ADARB2: variants seen among roughly 807,000 people sequenced by gnomAD.
ADARB2 encodes the protein inactive double-stranded RNA-specific editase B2.
A neutral mutation model predicts 62.2 loss-of-function variants in ADARB2; 25 were observed. The observed-to-expected ratio is 0.40, with a 90% CI of 0.29 to 0.56. ADARB2 has a LOEUF of 0.56. Ranked by LOEUF, ADARB2 falls within the 20% of genes least tolerant of loss-of-function variation. ADARB2 has a pLI of 0.43. For synonymous variants in ADARB2, 572 were observed against 500.8 expected (o/e 1.14, Z -1.90); for missense variants, 1,071 against 1,077.4 (o/e 0.99, Z 0.08).
chr10:1,402,858 T>C (rs924356543), intron 1 of ADARB2, among the ~76,000 whole-genome samples: 2 of 152,166 alleles, frequency 1.3e-5, no homozygotes, highest in Non-Finnish European at 2.9e-5. Context: ...CGAAAATCAC[T>C]AAGAATTTCA....
chr10:1,532,354 A>C (rs1036388606), intron 1 of ADARB2, among the ~76,000 whole-genome samples: 3 of 152,188 alleles, frequency 2.0e-5, no homozygotes, highest in African/African-American at 4.8e-5. Flanking sequence ...CATCATCTGA[A>C]AGCGTGGGAA....
intron 1 of ADARB2, among the ~76,000 whole-genome samples, chr10:1,683,044 C>T (rs1305219250): frequency 2.6e-5 from 4 of 152,204 alleles, no homozygotes; most frequent in African/African-American, 9.6e-5. Flanking sequence ...TGCGTGGAAG[C>T]AGAGATGACT....
chr10:1,397,891 C>T (rs1460385787), intron 1 of ADARB2, among the ~76,000 whole-genome samples: 5 of 128,916 alleles, frequency 3.9e-5, no homozygotes, highest in African/African-American at 1.5e-4. Flanking sequence ...CCTCCTCTCC[C>T]CTCCCGAGTG....
chr10:1,365,750 C>T lies in ADARB2; in HGVS notation c.188-1833G>A, dbSNP rs141814473. Among the ~76,000 whole-genome samples, 436 of 152,340 alleles carry T rather than the reference C, an allele frequency of 2.9e-3. 1 individual carries two copies. The highest frequency in any genetic ancestry group is 5.4e-3 in the Non-Finnish European group (364 of 68,032). ...GAAACACACACCTTACTCAGCAATT[C>T]TGCCACTGGAGATGCATCCTAGAGA... On this transcript the variant is annotated intron_variant, in intron 2 of 9. Coordinates refer to ENST00000381312, the MANE Select transcript of ADARB2 (RefSeq NM_018702.4).
chr10:1,327,773 C>T (rs1295159996), intron 3 of ADARB2, among the ~76,000 whole-genome samples: 2 of 136,260 alleles, frequency 1.5e-5, no homozygotes, highest in East Asian at 4.5e-4. Flanking sequence ...CCTCACAGCT[C>T]AGCGCCTCCC....
At chr10:1,594,237 C>G (rs1057232553) in intron 1 of ADARB2, among the ~76,000 whole-genome samples, 1 of 152,044 alleles carries the variant, frequency 6.6e-6, no homozygotes, top group African/African-American at 2.4e-5. Flanking sequence ...GTTGCAGGGA[C>G]CTGAGATCGT....
intron 1 of ADARB2, among the ~76,000 whole-genome samples, chr10:1,650,762 T>C (rs553516529): frequency 2.3e-4 from 35 of 152,324 alleles, no homozygotes; most frequent in African/African-American, 7.7e-4. Flanking sequence ...TGACAGTTAA[T>C]GACACTTGAG....
chr10:1,648,437 G>A (rs940659609), intron 1 of ADARB2, among the ~76,000 whole-genome samples: 2 of 152,100 alleles, frequency 1.3e-5, no homozygotes, highest in Non-Finnish European at 2.9e-5. Context: ...TGGCTCAACT[G>A]CTTGTTTTAA....
At chr10:1,631,470 C>A (rs574449607) in intron 1 of ADARB2, among the ~76,000 whole-genome samples, 1 of 152,182 alleles carries the variant, frequency 6.6e-6, no homozygotes, top group Admixed American at 6.5e-5. Flanking sequence ...TTCCCATGCC[C>A]GATGTCAGAG....
chr10:1,394,230 C>T (rs1026620685), intron 1 of ADARB2, among the ~76,000 whole-genome samples: 1 of 152,214 alleles, frequency 6.6e-6, no homozygotes, highest in African/African-American at 2.4e-5. Flanking sequence ...TCTGATTGTT[C>T]TGTAAGATTT....
chr10:1,506,522 C>T (rs1831855296), intron 1 of ADARB2, among the ~76,000 whole-genome samples: 1 of 152,188 alleles, frequency 6.6e-6, no homozygotes, highest in South Asian at 2.1e-4. Flanking sequence ...CTAGGCATGC[C>T]CTTCTAGAAA....
intron 1 of ADARB2, among the ~76,000 whole-genome samples, chr10:1,423,745 A>C (rs1019217027): frequency 5.9e-5 from 9 of 151,996 alleles, no homozygotes; most frequent in African/African-American, 2.2e-4. Context: ...TGTATGCAGT[A>C]GGTCCACTAT....
chr10:1,684,612 G>A (rs561958064), intron 1 of ADARB2, among the ~76,000 whole-genome samples: 3 of 152,254 alleles, frequency 2.0e-5, no homozygotes, highest in Admixed American at 6.5e-5. Context: ...CTCACCAAAT[G>A]GCAATAGTGT....
chr10:1,200,835 T>C (rs1027913761), intron 7 of ADARB2, among the ~76,000 whole-genome samples: 3 of 152,232 alleles, frequency 2.0e-5, no homozygotes, highest in Non-Finnish European at 2.9e-5. Flanking sequence ...CTCTAAATAA[T>C]GTGCTTAAAA....
intron 1 of ADARB2, among the ~76,000 whole-genome samples, chr10:1,603,750 T>G (rs1435722843): frequency 1.3e-5 from 2 of 151,938 alleles, no homozygotes; most frequent in Admixed American, 6.6e-5. Context: ...TCCTAAAAAT[T>G]TGATAATTTG....
intron 7 of ADARB2, among the ~76,000 whole-genome samples, chr10:1,206,550 G>C (rs1203437577): frequency 1.3e-5 from 2 of 151,940 alleles, no homozygotes; most frequent in Admixed American, 1.3e-4. Flanking sequence ...TGCCTGTGCG[G>C]TCTGAGAGAA....
chr10:1,409,404 G>C (rs971502002), intron 1 of ADARB2, among the ~76,000 whole-genome samples: 1 of 152,268 alleles, frequency 6.6e-6, no homozygotes, highest in Non-Finnish European at 1.5e-5. Flanking sequence ...GGGGCGTGTG[G>C]CTTGGCCATC....
intron 7 of ADARB2, among the ~76,000 whole-genome samples, chr10:1,210,642 C>T (rs1389446958): frequency 1.3e-5 from 2 of 152,222 alleles, no homozygotes; most frequent in Non-Finnish European, 2.9e-5. Flanking sequence ...CACGTCGCAG[C>T]GATTCCTATT....
At chr10:1,278,296 T>G (rs903834198) in intron 3 of ADARB2, among the ~76,000 whole-genome samples, 1 of 151,024 alleles carries the variant, frequency 6.6e-6, no homozygotes, top group South Asian at 2.1e-4. Flanking sequence ...TTTCTTTTTT[T>G]TTTTTTAAGT....
Sources: gnomAD v4.1 joint callset for allele counts (sites outside exome capture counted in the v4.1 genomes callset) on GRCh38, gnomAD v4.1.1 for gene constraint, MANE v1.5 for transcripts, NCBI Gene and HGNC (gene_info 2026-07-23, HGNC 2026-07-21) for gene names.